The following PRKCZ variants were observed in gnomAD, a reference collection of about 807,000 sequenced individuals.
The protein encoded by PRKCZ is protein kinase C zeta type.
PRKCZ carries 33 observed loss-of-function variants against 79.5 expected under a neutral mutation model. The observed-to-expected ratio is 0.41, with a 90% CI of 0.31 to 0.55. PRKCZ has a LOEUF of 0.55. Ranked by LOEUF, PRKCZ falls within the 20% of genes least tolerant of loss-of-function variation. The pLI is 0.19. For synonymous variants in PRKCZ, 342 were observed against 320.9 expected (o/e 1.07, Z -0.70); for missense variants, 578 against 813.5 (o/e 0.71, Z 3.52).
intron 4 of PRKCZ, among the ~76,000 whole-genome samples, chr1:2,080,524 T>C (rs1336929044): frequency 6.6e-6 from 1 of 152,162 alleles, no homozygotes; most frequent in East Asian, 1.9e-4. Context: ...AGTTTAGTTC[T>C]GTCACCCCCT....
chr1:2,093,963 A>G (rs983218453), intron 4 of PRKCZ, among the ~76,000 whole-genome samples: 2 of 152,074 alleles, frequency 1.3e-5, no homozygotes, highest in African/African-American at 4.8e-5. Context: ...GAGCCAGGCC[A>G]GCAGCTCCAG....
At chr1:2,140,055 A>G (rs1040103370) in intron 5 of PRKCZ, among the ~76,000 whole-genome samples, 1 of 152,232 alleles carries the variant, frequency 6.6e-6, no homozygotes. Flanking sequence ...AAGAGGCTAT[A>G]GAGAGTGAGG....
chr1:2,059,066 A>T (rs1213759653), intron 3 of PRKCZ, among the ~76,000 whole-genome samples: 1 of 152,162 alleles, frequency 6.6e-6, no homozygotes, highest in Non-Finnish European at 1.5e-5. Flanking sequence ...AAGTGCTGGG[A>T]TTGCAGGCGT....
At chr1:2,070,278 G>A (rs776190313) in intron 4 of PRKCZ, among the ~76,000 whole-genome samples, 4 of 152,138 alleles carry the variant, frequency 2.6e-5, no homozygotes, top group Admixed American at 6.5e-5. Flanking sequence ...CATTCTGCCC[G>A]TAGCAGGCAG....
At chr1:2,102,037 A>G (rs1667522550) in intron 4 of PRKCZ, among the ~76,000 whole-genome samples, 1 of 152,052 alleles carries the variant, frequency 6.6e-6, no homozygotes, top group Non-Finnish European at 1.5e-5. Flanking sequence ...GGCTTTGGAA[A>G]AATTGTCCAA....
rs1417735560 is a variant in PRKCZ, at chr1:2,094,603, G to A, written c.334+35012G>A. On this transcript the variant is annotated intron_variant, in intron 4 of 17. Transcript: ENST00000378567. The surrounding 1 kb of genome is among the most constrained non-coding windows in gnomAD (Gnocchi z 7.3). ...CCGTTCTGAGGCGCCCGCTGTGCCCGGCTCGATGAACCTTGGGCGCTGCCC... is the reference window on the plus strand; with the variant it reads ...CCGTTCTGAGGCGCCCGCTGTGCCCAGCTCGATGAACCTTGGGCGCTGCCC... Among the ~76,000 whole-genome samples the A allele has an allele frequency of 1.1e-5, 1 of 88,046 alleles. No individual in the cohort carries two copies. Among genetic ancestry groups the A allele is most frequent in the Non-Finnish European group, 2.0e-5 (1 of 50,556 alleles). 57.8% of individuals were successfully genotyped at this position (88,046 alleles called of 152,430 possible). A position where few individuals can be genotyped will look rare whatever the true frequency, so the allele number is the denominator to read the frequency against.
chr1:2,077,300 C>G (rs375883123), intron 4 of PRKCZ, among the ~76,000 whole-genome samples: 3 of 152,176 alleles, frequency 2.0e-5, no homozygotes, highest in Non-Finnish European at 4.4e-5. Flanking sequence ...TCTTTTTGAA[C>G]GTCTCTTCTG....
chr1:2,049,283 G>T (rs1659462141), upstream of PRKCZ: 1 of 152,374 alleles, frequency 6.6e-6, no homozygotes, highest in Non-Finnish European at 1.5e-5. Flanking sequence ...CGGCTTGGCG[G>T]AAGCTTTGCT....
intron 7 of PRKCZ, among the ~76,000 whole-genome samples, chr1:2,148,053 C>G (rs1384001934): frequency 1.3e-5 from 2 of 150,582 alleles, no homozygotes; most frequent in Non-Finnish European, 2.9e-5. Context: ...CCACTGTCCA[C>G]TGACCTCTCC....
At chr1:2,142,594 T>G (rs914287845) in intron 5 of PRKCZ, 30 of 244,454 alleles carry the variant, frequency 1.2e-4, no homozygotes, top group Non-Finnish European at 2.3e-4. Flanking sequence ...CATCCCTCCT[T>G]CGAATAGAGC....
rs565970332 is a variant in PRKCZ at position 2,149,349 on chromosome 1, G to C, written c.687+425G>C. Among the ~76,000 whole-genome samples, 27 of 152,358 alleles carry C rather than the reference G, an allele frequency of 1.8e-4. No homozygotes were observed. Among genetic ancestry groups the C allele is most frequent in the Admixed American group, 3.9e-4 (6 of 15,314 alleles). On this transcript the variant is annotated intron_variant, in intron 8 of 17. Transcript: ENST00000378567. This position sits in a 1 kb window ranked among gnomAD's most constrained non-coding sequence, Gnocchi z 4.1. ...TGTCCTTCCCCAACTTGAGCCAAGA[G>C]GCTCAACTGAGCCTCACGTCTGTGG...
chr1:2,155,588 C>T (rs1010698402), intron 9 of PRKCZ, among the ~76,000 whole-genome samples: 37 of 134,926 alleles, frequency 2.7e-4, no homozygotes, highest in South Asian at 1.0e-3. Context: ...ATGGTGATGA[C>T]GGTGGTGGTG....
intron 16 of PRKCZ, chr1:2,183,989 A>C (rs952270680): frequency 6.5e-6 from 1 of 152,694 alleles, no homozygotes; most frequent in African/African-American, 2.4e-5. Context: ...CAGTGTCCTC[A>C]CCCGTATGTG....
chr1:2,124,389 C>T (rs61776565), intron 4 of PRKCZ, among the ~76,000 whole-genome samples: 66 of 2,224 alleles, frequency 0.03, 21 homozygotes, highest in South Asian at 0.096. Flanking sequence ...AGGGTCACGG[C>T]GGTGGTTAGG....
chr1:2,056,375 G>A (rs1335549653), intron 2 of PRKCZ, 109 bp from the exon 3 acceptor site: 3 of 995,210 alleles, frequency 3.0e-6, no homozygotes, highest in African/African-American at 1.7e-5. Flanking sequence ...TCTGAGCATC[G>A]GGACTTTGCC....
chr1:2,069,767 A>G (rs1661417566), intron 4 of PRKCZ, among the ~76,000 whole-genome samples: 1 of 151,988 alleles, frequency 6.6e-6, no homozygotes, highest in Non-Finnish European at 1.5e-5. Flanking sequence ...ATGTGGAGGG[A>G]GGGGTGGATG....
intron 4 of PRKCZ, among the ~76,000 whole-genome samples, chr1:2,130,540 G>A (rs1055457803): frequency 2.6e-5 from 4 of 152,186 alleles, no homozygotes; most frequent in Admixed American, 1.3e-4. Context: ...TGTATAGAAA[G>A]ATCTATTGTA....
chr1:2,138,236 G>A (rs905264374), intron 5 of PRKCZ, among the ~76,000 whole-genome samples: 26 of 152,224 alleles, frequency 1.7e-4, no homozygotes, highest in African/African-American at 6.0e-4. Flanking sequence ...CTCTTTGTTG[G>A]TGAAGCGAGG....
chr1:2,181,138 C>T (rs262692), intron 16 of PRKCZ, among the ~76,000 whole-genome samples: 2 of 149,340 alleles, frequency 1.3e-5, no homozygotes, highest in Non-Finnish European at 3.0e-5. Flanking sequence ...CCTGGCCCTA[C>T]GGACAGCAGG....
Sources: gnomAD v4.1 joint callset for allele counts (sites outside exome capture counted in the v4.1 genomes callset) on GRCh38, gnomAD v4.1.1 for gene constraint, Gnocchi (gnomAD v3.1) non-coding constraint, MANE v1.5 for transcripts, NCBI Gene and HGNC (gene_info 2026-07-23, HGNC 2026-07-21) for gene names.